Variants in TSR1 observed in about 807,000 individuals in gnomAD.
TSR1 encodes TSR1 ribosome maturation factor, also known as pre-rRNA-processing protein TSR1 homolog.
Under a neutral mutation model 90.9 loss-of-function variants are expected in TSR1, and 81 were observed. The observed-to-expected ratio is 0.89, with a 90% CI of 0.74 to 1.07. The LOEUF is 1.07. Ranked by LOEUF, TSR1 falls within the 50% of genes least tolerant of loss-of-function variation. TSR1 has a pLI of 0.00. For missense variants in TSR1, 989 were observed against 987.3 expected (o/e 1.00, Z -0.02); for synonymous variants, 362 against 348.8 (o/e 1.04, Z -0.42).
intron 11 of TSR1, among the ~76,000 whole-genome samples, chr17:2,328,758 T>C (rs1362657401): frequency 6.7e-6 from 1 of 148,428 alleles, no homozygotes; most frequent in Non-Finnish European, 1.5e-5. Flanking sequence ...CTACTAAAAA[T>C]ACAAAAAATT....
At chr17:2,325,474 GAT>G (rs1471458155) in intron 11 of TSR1, 54 bp from the exon 12 acceptor site, 1 of 1,371,390 alleles carries the variant, frequency 7.3e-7, no homozygotes, top group Non-Finnish European at 1.0e-6. Flanking sequence ...AACCAGAGGT[GAT>G]AGAGGCCTGT....
rs1324645343 is a variant in TSR1 at position 2,333,747 on chromosome 17, A to G, written c.982-31T>C. 5 of 1,612,816 alleles carry G rather than the reference A, an allele frequency of 3.1e-6. No individual in the cohort carries two copies. In the African/African-American group the frequency reaches 6.7e-5, roughly 22 times the overall value. On this transcript the variant is annotated intron_variant, in intron 5 of 14. Coordinates refer to ENST00000301364, the MANE Select transcript of TSR1 (RefSeq NM_018128.5). ...AACCAAAAGCAGGTGATAGTCAACC[A>G]TGAACCAAAAATCTCCTAAATCTAA...
Position 2,334,506 on chromosome 17 carries a change from AT to A in TSR1, c.946del (p.Ile316LeufsTer19). On this transcript the variant is annotated frameshift_variant, in exon 5 of 15. Coordinates refer to ENST00000301364, the MANE Select transcript of TSR1 (RefSeq NM_018128.5). LOFTEE classifies it high-confidence loss of function. ...GDPFPLNPRGIKPQKDPDMAM... is the reference protein window; with the variant it reads ...GDPFPLNPRGXKPQKDPDMAM... ...CATGTCTGGGTCCTTTTGGGGTTTA[AT>A]TCCTCTAGGATTTAAAGGGAAAGGG... 6.2e-7 allele frequency: 1 copy of A among 1,614,008 alleles called. No homozygotes were observed. The highest frequency in any genetic ancestry group is 8.5e-7 in the Non-Finnish European group (1 of 1,179,902).
intron 9 of TSR1, 82 bp from the exon 10 acceptor site, chr17:2,330,707 G>C: frequency 7.1e-7 from 1 of 1,410,022 alleles, no homozygotes; most frequent in Non-Finnish European, 9.8e-7. Context: ...AATATGTTGA[G>C]TCTCTCAGAT....
intron 11 of TSR1, among the ~76,000 whole-genome samples, chr17:2,326,255 T>TA (rs1337546604): frequency 6.6e-6 from 1 of 152,172 alleles, no homozygotes; most frequent in Non-Finnish European, 1.5e-5. Flanking sequence ...TTGGTGAGAA[T>TA]AAAAATTATC....
At chr17:2,332,902 G>A (rs1352988850) in intron 7 of TSR1, 59 bp downstream of exon 7, 4 of 1,543,428 alleles carry the variant, frequency 2.6e-6, no homozygotes, top group South Asian at 1.2e-5. Flanking sequence ...GATCACACCT[G>A]CACTTTGCCT....
rs79597880 is a variant in TSR1 at position 2,334,858 on chromosome 17, T to C, written c.595A>G (p.Lys199Glu). Residue 199 changes from lysine (K) to glutamate (E), a missense_variant, in exon 5 of 15, where the codon AAA becomes GAA. Transcript: ENST00000301364. ...VQGISGLPLKKQIDTRKKLSK... is the reference protein window; with the variant it reads ...VQGISGLPLKEQIDTRKKLSK... ...AGCTTCTTCCTGGTATCTATTTGTT[T>C]CTTCAGTGGGAGGCCAGAAATCCCC... is the stretch of plus-strand genomic sequence containing the variant. The C allele has an allele frequency of 0.012, 18,633 of 1,613,576 alleles. 365 individuals carry two copies. The highest frequency in any genetic ancestry group is 0.052 in the South Asian group (4,692 of 91,078).
Position 2,327,682 on chromosome 17 carries a change from A to G in TSR1, c.1903+1661T>C, listed in dbSNP as rs1420234608. Among the ~76,000 whole-genome samples, 8 of 152,220 alleles carry G rather than the reference A, an allele frequency of 5.3e-5. No individual in the cohort carries two copies. The South Asian group carries it at 1.4e-3, about 28-fold the overall frequency. On this transcript the variant is annotated intron_variant, in intron 11 of 14. Coordinates refer to ENST00000301364, the MANE Select transcript of TSR1 (RefSeq NM_018128.5). ...TACACTGGAATATATCCAAATGACAATAAAGCATTAAAAGTCTCATTAACT... is the reference window on the plus strand; with the variant it reads ...TACACTGGAATATATCCAAATGACAGTAAAGCATTAAAAGTCTCATTAACT...
intron 8 of TSR1, among the ~76,000 whole-genome samples, chr17:2,331,687 C>G (rs1319252906): frequency 1.3e-5 from 2 of 152,198 alleles, no homozygotes; most frequent in African/African-American, 2.4e-5. Context: ...AATCTCTTTT[C>G]TTTATAAATT....
In TSR1 at chr17:2,324,531, G is replaced by A. The variant is rs140102145; in HGVS notation, c.2209C>T (p.Arg737Trp). The change falls in exon 14 of 15, where the codon CGG (arginine) becomes TGG (tryptophan). Residue 737 changes from arginine (R) to tryptophan (W), a missense_variant. Physicochemically the swap from Arg to Trp is moderately radical, Grantham distance 101 (BLOSUM62 -3). Coordinates refer to ENST00000301364, the MANE Select transcript of TSR1 (RefSeq NM_018128.5). The stretch of plus-strand genomic sequence containing the variant: ...AAAGGTTCCTTGATATGTCCTCTCC[G>A]GCCCCACTTCGTTCTCAGTTCCACT... Reference protein sequence around the residue: ...KPVELRTKWGRRGHIKEPLGT... With the variant: ...KPVELRTKWGWRGHIKEPLGT... The A allele has an allele frequency of 7.4e-4, 1,200 of 1,614,068 alleles. No individual in the cohort carries two copies. Among genetic ancestry groups the A allele is most frequent in the Non-Finnish European group, 9.2e-4 (1,082 of 1,180,022 alleles).
At position 2,335,552 on chromosome 17, in the gene TSR1, G is replaced by A; in HGVS notation, c.380C>T (p.Pro127Leu). ...GAAAAACCACCGATGTTTCAAGCGG[G>A]GGCACAGCAGCATAAAGTTCTGGGT... ...GNTQNFMLLC[P>L]RLKHRWFFTS... Residue 127 changes from proline to leucine, a missense_variant, in exon 3 of 15, where the codon CCC becomes CTC. Coordinates refer to ENST00000301364, the MANE Select transcript of TSR1 (RefSeq NM_018128.5). The A allele has an allele frequency of 2.5e-6, 4 of 1,614,078 alleles. No individual in the cohort carries two copies. Among genetic ancestry groups the A allele is most frequent in the African/African-American group, 1.3e-5 (1 of 75,002 alleles).
intron 10 of TSR1, among the ~76,000 whole-genome samples, chr17:2,329,841 C>T (rs1280853709): frequency 6.6e-6 from 1 of 152,100 alleles, no homozygotes; most frequent in Non-Finnish European, 1.5e-5. Context: ...TTACCAAAAC[C>T]GATCAAAGAA....
chr17:2,328,642 C>G (rs1423490852), intron 11 of TSR1, among the ~76,000 whole-genome samples: 1 of 150,664 alleles, frequency 6.6e-6, no homozygotes, highest in Non-Finnish European at 1.5e-5. Context: ...CAAGAGGGGG[C>G]GCGGTGGCTC....
chr17:2,324,698 A>C lies in TSR1; in HGVS notation c.2152T>G (p.Phe718Val). Reference sequence around the variant, plus strand: ...CCTCCTTCATACCCACCTCTGTTGAAGAACATGTAACGTACTACTGCCATC... The same window carrying C: ...CCTCCTTCATACCCACCTCTGTTGACGAACATGTAACGTACTACTGCCATC... ...TKMAVVRYMF[F>V]NREDVLWFKP... is the part of the protein sequence containing the mutation. Residue 718 changes from phenylalanine to valine, a missense_variant, in exon 13 of 15, where the codon TTC becomes GTC. Transcript: ENST00000301364. 6.2e-7 allele frequency: 1 copy of C among 1,614,176 alleles called. No individual in the cohort carries two copies.
chr17:2,324,994 A>C (rs1597273638), intron 12 of TSR1, 165 bp from the exon 13 acceptor site: 1 of 728,226 alleles, frequency 1.4e-6, no homozygotes, highest in East Asian at 2.8e-5. Flanking sequence ...TAACCTTGTC[A>C]ATAGGTTCTT....
chr17:2,333,930 C>T (rs1027379627), intron 5 of TSR1, among the ~76,000 whole-genome samples: 4 of 151,968 alleles, frequency 2.6e-5, no homozygotes, highest in Non-Finnish European at 5.9e-5. Context: ...AATCTGCTCC[C>T]ACTCCTATCC....
Position 2,335,291 on chromosome 17 carries a change from G to A in TSR1, c.525C>T (p.Ser175=). ...TCGGAAGGCCCTGAGCAAAGAGGCA[G>A]GAAAGACAGTAATCACCGGTGCTGT... ...GWDSTGDYCL[S]CLFAQGLPTY... is the part of the protein sequence containing the mutation. Residue 175 remains serine, a synonymous_variant, in exon 4 of 15, where the codon TCC becomes TCT. Transcript: ENST00000301364. 1 of 1,614,018 alleles carries A rather than the reference G, an allele frequency of 6.2e-7. No individual in the cohort carries two copies. Among genetic ancestry groups the A allele is most frequent in the Non-Finnish European group, 8.5e-7 (1 of 1,180,002 alleles).
At position 2,332,312 on chromosome 17, in the gene TSR1, C is replaced by T; in HGVS notation, c.1353G>A (p.Gly451=). 2 of 1,610,504 alleles carry T rather than the reference C, an allele frequency of 1.2e-6. No individual in the cohort carries two copies. Among genetic ancestry groups the T allele is most frequent in the South Asian group, 1.1e-5 (1 of 90,216 alleles). ...EEEEYETMTI[G]ESVHDDLYDK... The stretch of plus-strand genomic sequence containing the variant: ...CATACAGATCATCATGCACAGACTC[C>T]CCAATAGTCATAGTTTCATATTCTT... The change falls in exon 8 of 15, where the codon GGG becomes GGA. Residue 451 remains glycine (G), a synonymous_variant. Coordinates refer to ENST00000301364, the MANE Select transcript of TSR1 (RefSeq NM_018128.5).
chr17:2,330,406 T>G (rs761228095), intron 10 of TSR1, 109 bp downstream of exon 10: 1 of 909,844 alleles, frequency 1.1e-6, no homozygotes, highest in Non-Finnish European at 1.9e-6. Context: ...GGCAGACTTT[T>G]TGCATCCCAA....
Sources: gnomAD v4.1 joint callset for allele counts (sites outside exome capture counted in the v4.1 genomes callset) on GRCh38, gnomAD v4.1.1 for gene constraint, MANE v1.5 for transcripts, NCBI Gene and HGNC (gene_info 2026-07-23, HGNC 2026-07-21) for gene names.